Variants in TTC12 observed in about 807,000 individuals in gnomAD.
TTC12 encodes the protein tetratricopeptide repeat domain 12, also known as tetratricopeptide repeat protein 12.
TTC12 carries 70 observed loss-of-function variants against 90.1 expected under a neutral mutation model. The ratio of observed to expected loss-of-function variants is 0.78; its 90% confidence interval spans 0.64 to 0.95. The LOEUF is 0.95. TTC12 is among the 40% of genes least tolerant of loss of function. The probability of loss-of-function intolerance (pLI) is 0.00; values close to 1 mark genes in which losing one functional copy is unlikely to be tolerated. For synonymous variants in TTC12, 296 were observed against 311.5 expected (o/e 0.95, Z 0.53); for missense variants, 819 against 846.1 (o/e 0.97, Z 0.40).
At chr11:113,352,359 C>T in intron 16 of TTC12, 152 bp downstream of exon 16, 1 of 887,524 alleles carries the variant, frequency 1.1e-6, no homozygotes, top group South Asian at 1.6e-5. Flanking sequence ...ATTTTATGCA[C>T]TGCTGGCCTT....
At chr11:113,324,483 T>C in intron 4 of TTC12, 122 bp from the exon 5 acceptor site, 2 of 671,458 alleles carry the variant, frequency 3.0e-6, no homozygotes, top group Non-Finnish European at 5.1e-6. Flanking sequence ...TGTGTGTGCG[T>C]GTGTGTGCCT....
At chr11:113,354,579 A>G (rs782027283) in intron 16 of TTC12, among the ~76,000 whole-genome samples, 1 of 152,106 alleles carries the variant, frequency 6.6e-6, no homozygotes, top group Non-Finnish European at 1.5e-5. Flanking sequence ...CCCATTTAGT[A>G]TGATGTTGGC....
intron 10 of TTC12, 72 bp downstream of exon 10, chr11:113,339,546 C>A: frequency 2.2e-6 from 3 of 1,365,416 alleles, no homozygotes; most frequent in Non-Finnish European, 3.0e-6. Context: ...TCTGCCTTTA[C>A]CAGGCCAAGA....
chr11:113,326,547 T>G (rs1021672880), intron 6 of TTC12, among the ~76,000 whole-genome samples: 2 of 152,160 alleles, frequency 1.3e-5, no homozygotes, highest in Non-Finnish European at 2.9e-5. Context: ...TCTGGGATGT[T>G]GAGGAAGAGG....
intron 16 of TTC12, among the ~76,000 whole-genome samples, chr11:113,354,006 A>G (rs1390566794): frequency 1.3e-5 from 2 of 152,272 alleles, no homozygotes; most frequent in African/African-American, 2.4e-5. Flanking sequence ...AAGAATGTCA[A>G]TGGTAGTTTA....
intron 14 of TTC12, among the ~76,000 whole-genome samples, 161 bp from the exon 15 acceptor site, chr11:113,351,078 T>C (rs1344494497): frequency 6.6e-6 from 1 of 152,250 alleles, no homozygotes; most frequent in Non-Finnish European, 1.5e-5. Context: ...CCACATTACA[T>C]ACACAGTGAC....
chr11:113,370,642 T>G (rs1414896146), downstream of TTC12, among the ~76,000 whole-genome samples: 1 of 152,256 alleles, frequency 6.6e-6, no homozygotes, highest in Non-Finnish European at 1.5e-5. Flanking sequence ...TCTTGGCTGC[T>G]CTGAGGCTCA....
chr11:113,324,102 G>T (rs1947532012), intron 4 of TTC12, 87 bp downstream of exon 4: 2 of 1,091,006 alleles, frequency 1.8e-6, no homozygotes, highest in Non-Finnish European at 2.7e-6. Flanking sequence ...TTAAATTATT[G>T]CCTTTGAGCT....
chr11:113,339,700 C>T (rs1258369997), intron 10 of TTC12: 4 of 479,826 alleles, frequency 8.3e-6, no homozygotes, highest in African/African-American at 7.6e-5. Flanking sequence ...AATAAACATA[C>T]ACAACACAAC....
intron 10 of TTC12, 31 bp from the exon 11 acceptor site, chr11:113,340,633 T>C (rs782037507): frequency 1.4e-5 from 22 of 1,588,626 alleles, no homozygotes; most frequent in Non-Finnish European, 1.8e-5. Context: ...AGTTTGGGAG[T>C]CTGAAGTGGT....
intron 13 of TTC12, among the ~76,000 whole-genome samples, chr11:113,344,996 C>G (rs1447925521): frequency 6.6e-6 from 1 of 151,930 alleles, no homozygotes; most frequent in African/African-American, 2.4e-5. Flanking sequence ...TCTGCCCCGT[C>G]CTTTATAATT....
chr11:113,365,713 G>A (rs1402728076), intron 21 of TTC12: 3 of 171,614 alleles, frequency 1.7e-5, no homozygotes, highest in South Asian at 1.4e-4. Flanking sequence ...TCCACCTGTG[G>A]CTGAGCAAAG....
intron 1 of TTC12, 194 bp from the exon 2 acceptor site, chr11:113,316,049 C>CG: frequency 2.6e-6 from 1 of 382,456 alleles, no homozygotes; most frequent in Non-Finnish European, 4.7e-6. Context: ...GAAGCATTGC[C>CG]GCACGTAAAT....
At chr11:113,331,779 A>G (rs1257344064) in intron 7 of TTC12, among the ~76,000 whole-genome samples, 3 of 152,238 alleles carry the variant, frequency 2.0e-5, no homozygotes, top group South Asian at 2.1e-4. Context: ...AGCAGGCCCA[A>G]TGGAGCTGAC....
chr11:113,342,960 A>G (rs1338769931), intron 12 of TTC12, among the ~76,000 whole-genome samples: 7 of 152,186 alleles, frequency 4.6e-5, no homozygotes, highest in Non-Finnish European at 8.8e-5. Context: ...CTGTGAACCT[A>G]TTTATCGTTT....
chr11:113,355,081 T>C (rs1565618843), intron 16 of TTC12, among the ~76,000 whole-genome samples: 1 of 152,218 alleles, frequency 6.6e-6, no homozygotes, highest in Non-Finnish European at 1.5e-5. Context: ...TGAATCTAGC[T>C]GGTCCTGGGC....
chr11:113,353,863 A>T (rs1379113136), intron 16 of TTC12, among the ~76,000 whole-genome samples: 2 of 152,198 alleles, frequency 1.3e-5, no homozygotes, highest in Non-Finnish European at 2.9e-5. Flanking sequence ...TGGTTACTGT[A>T]GCCCTGTAGT....
At chr11:113,368,346 C>T, downstream of TTC12, 5 of 1,547,354 alleles carry the variant, frequency 3.2e-6, no homozygotes, top group Non-Finnish European at 4.4e-6. Flanking sequence ...ACCCCTAACA[C>T]ATGCTACCAT....
chr11:113,360,332 C>T (rs1054184535), intron 18 of TTC12, among the ~76,000 whole-genome samples: 3 of 151,954 alleles, frequency 2.0e-5, no homozygotes, highest in Non-Finnish European at 2.9e-5. Flanking sequence ...TCGATCCGAT[C>T]TGTCCTATTT....
Sources: gnomAD v4.1 joint callset for allele counts (sites outside exome capture counted in the v4.1 genomes callset) on GRCh38, gnomAD v4.1.1 for gene constraint, MANE v1.5 for transcripts, NCBI Gene and HGNC (gene_info 2026-07-23, HGNC 2026-07-21) for gene names.